Variants in TMCO5A observed in about 807,000 individuals in gnomAD.
TMCO5A encodes the protein transmembrane and coiled-coil domains 5A, also known as transmembrane and coiled-coil domain-containing protein 5A.
TMCO5A carries 34 observed loss-of-function variants against 42.3 expected under a neutral mutation model. The observed-to-expected ratio is 0.80, with a 90% CI of 0.61 to 1.07. TMCO5A has a LOEUF of 1.07. Ranked by LOEUF, TMCO5A falls within the 50% of genes least tolerant of loss-of-function variation. The pLI, the probability that TMCO5A is intolerant of heterozygous loss-of-function variation, is 0.00. For synonymous variants in TMCO5A, 131 were observed against 115.6 expected, an observed-to-expected ratio of 1.13 and a Z score of -0.86; for missense variants, 357 against 327.9, an observed-to-expected ratio of 1.09 and a Z score of -0.69.
the TMCO5A span, among the ~76,000 whole-genome samples, chr15:38,035,872 T>C: frequency 7.2e-5 from 11 of 152,200 alleles, no homozygotes; most frequent in Admixed American, 1.3e-4. Flanking sequence ...CTAGAATGGT[T>C]TGCCCCAGCC....
At chr15:38,011,098 A>G in the TMCO5A span, among the ~76,000 whole-genome samples, 1 of 152,164 alleles carries the variant, frequency 6.6e-6, no homozygotes, top group Non-Finnish European at 1.5e-5. Context: ...TAAACAGCAA[A>G]TGTGTTATCC....
the TMCO5A span, among the ~76,000 whole-genome samples, chr15:38,008,021 G>A: frequency 5.3e-5 from 8 of 151,068 alleles, no homozygotes; most frequent in Non-Finnish European, 8.8e-5. Flanking sequence ...TCAGCCTCCC[G>A]GGTTGCTGGG....
At chr15:38,005,085 CT>C in the TMCO5A span, among the ~76,000 whole-genome samples, 2,452 of 152,114 alleles carry the variant, frequency 0.016, 47 homozygotes, top group African/African-American at 0.053. Context: ...TCCATCACCC[CT>C]ATTGCATTAT....
chr15:37,947,525 T>C lies in TMCO5A; in HGVS notation c.628-131T>C, dbSNP rs113747446. On this transcript the variant is annotated intron_variant, in intron 10 of 11. Coordinates refer to ENST00000319669, the MANE Select transcript of TMCO5A (RefSeq NM_152453.4). Reference sequence around the variant, plus strand: ...AAAATTTTGGCCTGAAAATTATATGTGCTTATGCATATAAAAAGAATTTGT... The same window carrying C: ...AAAATTTTGGCCTGAAAATTATATGCGCTTATGCATATAAAAAGAATTTGT... 9.6e-5 allele frequency: 62 copies of C among 646,728 alleles called. No homozygotes were observed. The African/African-American group carries it at 9.9e-4, about 10-fold the overall frequency. The allele number at this position is 646,728 out of a possible 1,614,324, so 40.1% of individuals were successfully genotyped here.
At chr15:38,008,690 C>T in the TMCO5A span, among the ~76,000 whole-genome samples, 1 of 152,290 alleles carries the variant, frequency 6.6e-6, no homozygotes, top group Non-Finnish European at 1.5e-5. Context: ...TCAACTCCAA[C>T]ATGAAAAGCA....
At chr15:37,994,630 C>CTA in the TMCO5A span, 1 of 152,210 alleles carries the variant, frequency 6.6e-6, no homozygotes, top group African/African-American at 2.4e-5. Context: ...ACCCAGCTTC[C>CTA]TATCACACTT....
chr15:37,980,976 T>TATA, the TMCO5A span, among the ~76,000 whole-genome samples: 3 of 152,170 alleles, frequency 2.0e-5, no homozygotes, highest in Non-Finnish European at 4.4e-5. Context: ...ATCACTCTAT[T>TATA]TTCTCTGCTG....
chr15:37,980,969 ACT>A, the TMCO5A span, among the ~76,000 whole-genome samples: 1 of 152,104 alleles, frequency 6.6e-6, no homozygotes, highest in Non-Finnish European at 1.5e-5. Flanking sequence ...ATTATTCATC[ACT>A]CTATTTTCTC....
chr15:38,000,438 C>T, the TMCO5A span, among the ~76,000 whole-genome samples: 3 of 151,480 alleles, frequency 2.0e-5, no homozygotes, highest in Non-Finnish European at 2.9e-5. Context: ...AAAAGTTTCT[C>T]GGTTTTGTTT....
the TMCO5A span, among the ~76,000 whole-genome samples, chr15:38,012,086 T>C: frequency 6.7e-6 from 1 of 149,908 alleles, no homozygotes; most frequent in African/African-American, 2.5e-5. Flanking sequence ...ATCGCGCCAC[T>C]GCACTCCACC....
chr15:38,031,477 C>A, the TMCO5A span, among the ~76,000 whole-genome samples: 1 of 152,196 alleles, frequency 6.6e-6, no homozygotes, highest in Non-Finnish European at 1.5e-5. Flanking sequence ...TTCTGCCTCT[C>A]TCTCTTGAGG....
At chr15:38,012,184 A>G in the TMCO5A span, among the ~76,000 whole-genome samples, 1 of 152,074 alleles carries the variant, frequency 6.6e-6, no homozygotes, top group East Asian at 1.9e-4. Context: ...GTTTTCATAG[A>G]TTTCCTTGCA....
chr15:37,941,458 C>A (rs1371972843), intron 7 of TMCO5A, among the ~76,000 whole-genome samples: 1 of 152,056 alleles, frequency 6.6e-6, no homozygotes, highest in Non-Finnish European at 1.5e-5. Context: ...CCTCTCCCAA[C>A]TGCCCCCAAA....
chr15:37,941,833 C>A, intron 8 of TMCO5A, 103 bp downstream of exon 8: 2 of 951,082 alleles, frequency 2.1e-6, no homozygotes, highest in South Asian at 1.3e-5. Context: ...TTCAACAGTT[C>A]AAGGTGGCAC....
the TMCO5A span, among the ~76,000 whole-genome samples, chr15:37,999,095 G>C: frequency 6.6e-6 from 1 of 152,206 alleles, no homozygotes; most frequent in East Asian, 1.9e-4. Context: ...TAGTAGAGAT[G>C]GAGTTTCTCC....
chr15:38,033,772 C>G, the TMCO5A span, among the ~76,000 whole-genome samples: 5 of 151,998 alleles, frequency 3.3e-5, no homozygotes, highest in Non-Finnish European at 7.4e-5. Flanking sequence ...CCCCACCATG[C>G]CCAGCAAATT....
the TMCO5A span, among the ~76,000 whole-genome samples, chr15:38,032,989 G>A: frequency 1.4e-5 from 2 of 147,232 alleles, no homozygotes; most frequent in Non-Finnish European, 3.0e-5. Flanking sequence ...GTGCAGTGGC[G>A]CCATGTTGGC....
downstream of TMCO5A, among the ~76,000 whole-genome samples, chr15:37,952,742 C>T (rs538006165): frequency 2.6e-5 from 4 of 152,306 alleles, no homozygotes; most frequent in East Asian, 7.7e-4. Flanking sequence ...TGAGGTAGAG[C>T]ACAGAGTGAG....
Position 37,943,406 on chromosome 15 carries a change from C to G in TMCO5A, c.627+8C>G, listed in dbSNP as rs1566916775. The G allele has an allele frequency of 1.9e-6, 3 of 1,611,922 alleles. No individual in the cohort carries two copies. Among genetic ancestry groups the G allele is most frequent in the Non-Finnish European group, 2.5e-6 (3 of 1,178,858 alleles). On this transcript the variant is annotated splice_region_variant and intron_variant, in intron 10 of 11. Coordinates refer to ENST00000319669, the MANE Select transcript of TMCO5A (RefSeq NM_152453.4). ...ACCAGCCAAAATAATGAGGTAAACA[C>G]TCCATTCTCTCTTCAGCTCCTCACA...
Sources: allele counts gnomAD v4.1 joint callset (sites outside exome capture counted in the v4.1 genomes callset), GRCh38; gene constraint gnomAD v4.1.1; transcripts MANE v1.5; gene names NCBI Gene and HGNC (gene_info 2026-07-23, HGNC 2026-07-21).